The following AUTS2 variants were observed in gnomAD, a reference collection of about 807,000 sequenced individuals.
AUTS2 encodes autism susceptibility gene 2 protein.
AUTS2 carries 17 observed loss-of-function variants against 112.4 expected under a neutral mutation model. That is an observed-to-expected ratio of 0.15 (90% CI 0.10 to 0.23). The LOEUF is 0.23. AUTS2 is among the 10% of genes least tolerant of loss of function. The probability of loss-of-function intolerance (pLI) is 1.00; values close to 1 mark genes in which losing one functional copy is unlikely to be tolerated. For synonymous variants in AUTS2, 751 were observed against 702.7 expected, an observed-to-expected ratio of 1.07 and a Z score of -1.09; for missense variants, 1,510 against 1,701.6, an observed-to-expected ratio of 0.89 and a Z score of 1.98.
intron 4 of AUTS2, among the ~76,000 whole-genome samples, chr7:70,192,628 C>T (rs556816030): frequency 2.6e-5 from 4 of 152,254 alleles, no homozygotes; most frequent in East Asian, 3.9e-4. Context: ...TGAGACTGTC[C>T]GAGGCTACAG....
intron 4 of AUTS2, among the ~76,000 whole-genome samples, chr7:70,177,950 G>A (rs1456574757): frequency 1.2e-4 from 18 of 146,324 alleles, no homozygotes; most frequent in Non-Finnish European, 1.5e-5. Flanking sequence ...GGAGTCTTGC[G>A]CTGTCACCAG....
chr7:70,494,487 T>C (rs1241731623), intron 5 of AUTS2, among the ~76,000 whole-genome samples: 1 of 152,118 alleles, frequency 6.6e-6, no homozygotes, highest in African/African-American at 2.4e-5. Flanking sequence ...GGAGCCATAA[T>C]TGCAATGAGA....
At chr7:69,664,325 G>A (rs1163626856) in intron 1 of AUTS2, among the ~76,000 whole-genome samples, 1 of 152,154 alleles carries the variant, frequency 6.6e-6, no homozygotes, top group Non-Finnish European at 1.5e-5. Context: ...AGCTTAGTAT[G>A]CATATTTTGT....
intron 4 of AUTS2, among the ~76,000 whole-genome samples, chr7:70,435,162 C>G (rs1453964784): frequency 1.3e-5 from 2 of 152,208 alleles, no homozygotes; most frequent in Non-Finnish European, 2.9e-5. Context: ...GGGAATGTTC[C>G]TTCTATTCTC....
chr7:70,525,751 C>A (rs1441781384), intron 5 of AUTS2, among the ~76,000 whole-genome samples: 2 of 152,218 alleles, frequency 1.3e-5, no homozygotes, highest in Non-Finnish European at 2.9e-5. Flanking sequence ...AAGGAGCCCA[C>A]TTGTGGAGAA....
chr7:69,648,263 T>G (rs1795126798), intron 1 of AUTS2, among the ~76,000 whole-genome samples: 1 of 152,060 alleles, frequency 6.6e-6, no homozygotes, highest in Admixed American at 6.5e-5. Flanking sequence ...GGTATATAAG[T>G]ATGAGTGATA....
At chr7:69,788,876 T>C (rs987417866) in intron 1 of AUTS2, among the ~76,000 whole-genome samples, 1 of 152,144 alleles carries the variant, frequency 6.6e-6, no homozygotes, top group Admixed American at 6.6e-5. Context: ...TCTGATTAGC[T>C]GTCCGGTTCA....
At chr7:69,809,822 C>A (rs1381118692) in intron 1 of AUTS2, among the ~76,000 whole-genome samples, 1 of 152,156 alleles carries the variant, frequency 6.6e-6, no homozygotes, top group Non-Finnish European at 1.5e-5. Flanking sequence ...TTATTGAACA[C>A]CCCGGAAGCA....
intron 6 of AUTS2, among the ~76,000 whole-genome samples, chr7:70,708,045 G>A (rs1020369589): frequency 6.6e-6 from 1 of 152,158 alleles, no homozygotes; most frequent in South Asian, 2.1e-4. Context: ...AATGTCTCAA[G>A]TGTGCCCGTT....
At chr7:70,736,663 T>G (rs996694056) in intron 6 of AUTS2, among the ~76,000 whole-genome samples, 5 of 152,188 alleles carry the variant, frequency 3.3e-5, no homozygotes, top group African/African-American at 1.2e-4. Context: ...GCTGAAAGAC[T>G]CAGTTCCTGG....
intron 5 of AUTS2, among the ~76,000 whole-genome samples, chr7:70,521,638 C>G (rs1799651996): frequency 6.6e-6 from 1 of 152,222 alleles, no homozygotes; most frequent in African/African-American, 2.4e-5. Flanking sequence ...GTAAATTTTA[C>G]TAGTTCACTT....
At chr7:70,387,675 G>A (rs1172452576) in intron 4 of AUTS2, among the ~76,000 whole-genome samples, 1 of 152,058 alleles carries the variant, frequency 6.6e-6, no homozygotes, top group African/African-American at 2.4e-5. Context: ...TTTTCTTTCT[G>A]TCTCTATCAC....
intron 2 of AUTS2, among the ~76,000 whole-genome samples, chr7:69,943,652 CT>C (rs1268127395): frequency 6.6e-6 from 1 of 152,112 alleles, no homozygotes; most frequent in Non-Finnish European, 1.5e-5. Context: ...ACTAACTTCA[CT>C]GAAAACATCT....
chr7:70,716,623 C>T (rs181110720), intron 6 of AUTS2, among the ~76,000 whole-genome samples: 28 of 114,138 alleles, frequency 2.5e-4, no homozygotes, highest in Non-Finnish European at 3.6e-4. Context: ...GGTGACAGAG[C>T]GAGACTCCGT....
At chr7:70,411,708 A>G (rs981663635) in intron 4 of AUTS2, among the ~76,000 whole-genome samples, 2 of 152,146 alleles carry the variant, frequency 1.3e-5, no homozygotes, top group Non-Finnish European at 1.5e-5. Flanking sequence ...GATGATTCCA[A>G]TCCTCAGTCA....
intron 5 of AUTS2, among the ~76,000 whole-genome samples, chr7:70,580,545 G>A (rs935996736): frequency 2.6e-5 from 4 of 152,166 alleles, no homozygotes; most frequent in Non-Finnish European, 5.9e-5. Flanking sequence ...CAGGATACAA[G>A]CCCCACCTCT....
chr7:70,404,527 G>C (rs13230845), intron 4 of AUTS2, among the ~76,000 whole-genome samples: 23,430 of 152,160 alleles, frequency 0.15, 2,050 homozygotes, highest in Non-Finnish European at 0.19. Flanking sequence ...TTTCAAATCA[G>C]GGTCTACTTC....
rs745567751 is a variant in AUTS2 at position 70,631,505 on chromosome 7, C to T, written c.691-67064C>T. On this transcript the variant is annotated intron_variant, in intron 5 of 18. Transcript: ENST00000342771. This position sits in a 1 kb window ranked among gnomAD's most constrained non-coding sequence, Gnocchi z 4.5. ...TCCATGATTTCTGAACCGTGGGGGA[C>T]GGGGTGGTCGCAACCTAGAATGTGG... Among the ~76,000 whole-genome samples, 23 of 152,154 alleles carry T rather than the reference C, an allele frequency of 1.5e-4. No individual in the cohort carries two copies. Among genetic ancestry groups the T allele is most frequent in the African/African-American group, 4.8e-4 (20 of 41,526 alleles).
chr7:70,427,130 C>T (rs1795470777), intron 4 of AUTS2, among the ~76,000 whole-genome samples: 1 of 152,160 alleles, frequency 6.6e-6, no homozygotes, highest in Non-Finnish European at 1.5e-5. Flanking sequence ...ACTGTGGTCT[C>T]ATAATAAACT....
Sources: gnomAD v4.1 joint callset for allele counts (sites outside exome capture counted in the v4.1 genomes callset) on GRCh38, gnomAD v4.1.1 for gene constraint, Gnocchi (gnomAD v3.1) non-coding constraint, MANE v1.5 for transcripts, NCBI Gene and HGNC (gene_info 2026-07-23, HGNC 2026-07-21) for gene names.